The following CASP9 variants were observed in gnomAD, a reference collection of about 807,000 sequenced individuals.
CASP9 encodes the protein caspase 9, also known as caspase-9.
CASP9 carries 29 observed loss-of-function variants against 43.5 expected under a neutral mutation model. That is an observed-to-expected ratio of 0.67 (90% CI 0.50 to 0.91). CASP9 has a LOEUF of 0.91. CASP9 is among the 40% of genes least tolerant of loss of function. The pLI is 0.00. For missense variants in CASP9, 575 were observed against 537.4 expected (o/e 1.07, Z -0.69); for synonymous variants, 206 against 211.9 (o/e 0.97, Z 0.24).
rs1433689774 is a variant in CASP9, at chr1:15,492,672, A to G, written c.*271T>C. Reference sequence around the variant, plus strand: ...CTGCTCTAGAGACAACACAGGGATCATGGGACACAAGTCACTAGCCCTGGA... The same window carrying G: ...CTGCTCTAGAGACAACACAGGGATCGTGGGACACAAGTCACTAGCCCTGGA... On this transcript the variant is annotated 3_prime_UTR_variant, in exon 9 of 9. Coordinates refer to ENST00000333868, the MANE Select transcript of CASP9 (RefSeq NM_001229.5). The G allele has an allele frequency of 2.0e-6, 1 of 511,590 alleles. No homozygotes were observed. Among genetic ancestry groups the G allele is most frequent in the African/African-American group, 1.9e-5 (1 of 52,348 alleles). 31.7% of individuals were successfully genotyped at this position (511,590 alleles called of 1,614,324 possible). A position where few individuals can be genotyped will look rare whatever the true frequency, so the allele number is the denominator to read the frequency against.
In CASP9 at chr1:15,522,881, C is replaced by T. The variant is rs1710262502; in HGVS notation, c.132+1188G>A. Among the ~76,000 whole-genome samples, 3 of 152,338 alleles carry T rather than the reference C, an allele frequency of 2.0e-5. No individual in the cohort carries two copies. In the South Asian group the frequency reaches 6.2e-4, roughly 32 times the overall value. On this transcript the variant is annotated intron_variant, in intron 1 of 8. Transcript: ENST00000333868. ...ACATTCCTGAAGGCAAGGACTGTGGCCTCAAACCATTACTGTTCCCCAGTA... is the reference window on the plus strand; with the variant it reads ...ACATTCCTGAAGGCAAGGACTGTGGTCTCAAACCATTACTGTTCCCCAGTA...
chr1:15,503,979 C>T (rs1050342274), intron 6 of CASP9, among the ~76,000 whole-genome samples: 2 of 152,130 alleles, frequency 1.3e-5, no homozygotes, highest in East Asian at 1.9e-4. Context: ...TTAGAGCATA[C>T]AGCAAAACTA....
upstream of CASP9, chr1:15,524,650 G>GC (rs1364688247): frequency 3.1e-6 from 3 of 978,510 alleles, no homozygotes; most frequent in African/African-American, 8.1e-5. Flanking sequence ...GCCTCGCCCC[G>GC]CCCCAAGGAT....
rs1426135957 is a variant in CASP9, at chr1:15,495,067, C to G, written c.1048+206G>C. On this transcript the variant is annotated intron_variant, in intron 7 of 8. Coordinates refer to ENST00000333868, the MANE Select transcript of CASP9 (RefSeq NM_001229.5). ...GAGAGGCAAGTGAGGCATAGGAACC[C>G]AAGGGCGCAGGCCTCCTTGCAGCGC... 2.0e-5 allele frequency among the ~76,000 whole-genome samples: 3 copies of G among 151,810 alleles called. No homozygotes were observed. The East Asian group carries it at 5.8e-4, about 29-fold the overall frequency.
chr1:15,523,852 T>A (rs1710314851), intron 1 of CASP9, among the ~76,000 whole-genome samples: 1 of 152,102 alleles, frequency 6.6e-6, no homozygotes, highest in Admixed American at 6.5e-5. Flanking sequence ...TGTCTCACAT[T>A]TTTCCTTTAC....
intron 2 of CASP9, among the ~76,000 whole-genome samples, chr1:15,515,778 G>A (rs954161575): frequency 3.3e-5 from 5 of 152,196 alleles, no homozygotes; most frequent in African/African-American, 7.2e-5. Flanking sequence ...AATTTGGGCC[G>A]AGTGCAGTGG....
intron 2 of CASP9, among the ~76,000 whole-genome samples, chr1:15,514,015 G>C (rs2103365703): frequency 6.6e-6 from 1 of 152,308 alleles, no homozygotes; most frequent in East Asian, 1.9e-4. Flanking sequence ...CAATAAAACT[G>C]ATGTGTCCAC....
At position 15,518,204 on chromosome 1, in the gene CASP9, TGGGG is replaced by T; in HGVS notation, c.320_323del (p.Thr107LysfsTer38). The T allele has an allele frequency of 6.2e-7, 1 of 1,614,214 alleles. No homozygotes were observed. The highest frequency in any genetic ancestry group is 1.1e-5 in the South Asian group (1 of 91,084). ...TGCGAATCTCTGGTCTGAGCACCAC[TGGGG>T]TAAGGTTTTCTAGGGTTGGCTTCGA... On this transcript the variant is annotated frameshift_variant, in exon 2 of 9. Coordinates refer to ENST00000333868, the MANE Select transcript of CASP9 (RefSeq NM_001229.5). LOFTEE classifies it high-confidence loss of function.
At position 15,524,124 on chromosome 1, in the gene CASP9, C is replaced by T. The variant is rs1422012687; in HGVS notation, c.77G>A (p.Trp26Ter). 4 of 1,541,250 alleles carry T rather than the reference C, an allele frequency of 2.6e-6. No individual in the cohort carries two copies. In the South Asian group the frequency reaches 4.8e-5, roughly 18 times the overall value. ...CAGCTCGCGGCTCAGCAGGGCGTCC[C>T]AGAGCTGGTCCACCTGCAGCTCTTC... is the stretch of plus-strand genomic sequence containing the variant. ...LVEELQVDQL[W>*]DALLSRELFR... is the part of the protein sequence containing the mutation. The change falls in exon 1 of 9, where the codon TGG becomes TAG. Residue 26 changes from tryptophan to a stop codon, truncating the protein, a stop_gained. Transcript: ENST00000333868. LOFTEE classifies it high-confidence loss of function.
intron 2 of CASP9, among the ~76,000 whole-genome samples, chr1:15,517,829 A>G (rs545892429): frequency 6.6e-6 from 1 of 152,146 alleles, no homozygotes; most frequent in East Asian, 1.9e-4. Context: ...GGAAACATTG[A>G]TCAAAACCTG....
chr1:15,502,813 T>C (rs745760627), intron 6 of CASP9, among the ~76,000 whole-genome samples: 12 of 152,174 alleles, frequency 7.9e-5, no homozygotes, highest in East Asian at 1.9e-4. Context: ...ATTTGATTCA[T>C]AGGAGAAAGA....
Position 15,495,388 on chromosome 1 carries a change from G to A in CASP9, c.933C>T (p.Asn311=). 6.2e-7 allele frequency: 1 copy of A among 1,608,910 alleles called. No homozygotes were observed. The highest frequency in any genetic ancestry group is 8.5e-7 in the Non-Finnish European group (1 of 1,177,796). The change falls in exon 7 of 9, where the codon AAC becomes AAT. Residue 311 remains asparagine, a synonymous_variant. Coordinates refer to ENST00000333868, the MANE Select transcript of CASP9 (RefSeq NM_001229.5). ...GGAACGGGGTGGCATCTGGCTCGGG[G>A]TTACTGCCAGGGGACTCGTCTTCAG... ...TSPEDESPGS[N]PEPDATPFQE...
chr1:15,522,722 G>A (rs777172398), intron 1 of CASP9, among the ~76,000 whole-genome samples: 4 of 152,158 alleles, frequency 2.6e-5, no homozygotes, highest in Non-Finnish European at 5.9e-5. Flanking sequence ...CAAAATAAGT[G>A]TAAGATGTGG....
chr1:15,494,024 C>T, intron 7 of CASP9, 23 bp from the exon 8 acceptor site: 3 of 1,558,366 alleles, frequency 1.9e-6, no homozygotes, highest in Non-Finnish European at 2.6e-6. Flanking sequence ...GAGGGCTGAA[C>T]ACTGCTGGAG....
intron 1 of CASP9, among the ~76,000 whole-genome samples, chr1:15,521,418 T>G (rs7533287): frequency 0.3 from 46,134 of 152,030 alleles, 7,426 homozygotes; most frequent in East Asian, 0.58. Flanking sequence ...GTGCTGTGCT[T>G]CCATGGTCAC....
At chr1:15,523,886 T>G (rs535199815) in intron 1 of CASP9, among the ~76,000 whole-genome samples, 183 bp downstream of exon 1, 1 of 138,082 alleles carries the variant, frequency 7.2e-6, no homozygotes, top group East Asian at 1.9e-4. Flanking sequence ...GCACTAACAG[T>G]GTACGCTGAC....
At chr1:15,507,665 T>C (rs4646034) in intron 3 of CASP9, 317,458 of 576,072 alleles carry the variant, frequency 0.55, 89,808 homozygotes, top group African/African-American at 0.71. Context: ...GCTTCTGCTG[T>C]CAGCTTTGCA....
intron 1 of CASP9, among the ~76,000 whole-genome samples, chr1:15,520,502 C>T (rs1197727759): frequency 1.3e-5 from 2 of 152,130 alleles, no homozygotes; most frequent in African/African-American, 2.4e-5. Flanking sequence ...GAATAACCGG[C>T]GGGTATAGGG....
intron 6 of CASP9, among the ~76,000 whole-genome samples, chr1:15,500,868 G>A (rs1709300545): frequency 7.2e-6 from 1 of 138,360 alleles, no homozygotes; most frequent in Admixed American, 7.0e-5. Context: ...AGAAGAGACA[G>A]CAGATCAGAG....
Sources: gnomAD v4.1 joint callset for allele counts (sites outside exome capture counted in the v4.1 genomes callset) on GRCh38, gnomAD v4.1.1 for gene constraint, MANE v1.5 for transcripts, NCBI Gene and HGNC (gene_info 2026-07-23, HGNC 2026-07-21) for gene names.